TLK1: variants seen among roughly 807,000 people sequenced by gnomAD.
TLK1 encodes the protein serine/threonine-protein kinase tousled-like 1.
TLK1 carries 24 observed loss-of-function variants against 105.3 expected under a neutral mutation model. The observed-to-expected ratio is 0.23, with a 90% CI of 0.17 to 0.32. The LOEUF is 0.32. TLK1 is among the 10% of genes least tolerant of loss of function. The pLI is 1.00. For missense variants in TLK1, 558 were observed against 910.5 expected (o/e 0.61, Z 4.98); for synonymous variants, 321 against 310.4 (o/e 1.03, Z -0.36).
intron 5 of TLK1, among the ~76,000 whole-genome samples, chr2:171,056,810 C>T (rs1320167401): frequency 6.6e-6 from 1 of 151,776 alleles, no homozygotes; most frequent in East Asian, 1.9e-4. Context: ...TTCTGACTAT[C>T]ATCTGTTATT....
chr2:171,203,266 A>T (rs529373291), intron 1 of TLK1, among the ~76,000 whole-genome samples: 3 of 152,248 alleles, frequency 2.0e-5, no homozygotes, highest in African/African-American at 7.2e-5. Context: ...AGTAGTGTTA[A>T]GTATATTCAT....
intron 1 of TLK1, among the ~76,000 whole-genome samples, chr2:171,170,016 G>C (rs185861820): frequency 6.6e-6 from 1 of 152,222 alleles, no homozygotes; most frequent in Admixed American, 6.5e-5. Context: ...AAACTGAAAA[G>C]AAACAGCATG....
At chr2:171,068,665 C>A (rs1283184866) in intron 3 of TLK1, among the ~76,000 whole-genome samples, 1 of 152,108 alleles carries the variant, frequency 6.6e-6, no homozygotes, top group East Asian at 1.9e-4. Flanking sequence ...TATGTATCAT[C>A]AGGATTAGGA....
chr2:171,137,816 T>C (rs1283032570), intron 1 of TLK1, among the ~76,000 whole-genome samples: 2 of 150,110 alleles, frequency 1.3e-5, no homozygotes, highest in Non-Finnish European at 2.9e-5. Context: ...GCCACTGCAC[T>C]ACAGCCTGGG....
upstream of TLK1, among the ~76,000 whole-genome samples, chr2:171,161,310 C>T (rs1236051702): frequency 1.3e-5 from 2 of 152,028 alleles, no homozygotes; most frequent in Non-Finnish European, 1.5e-5. Flanking sequence ...AATGCTGCTG[C>T]TCTCGCTCAG....
chr2:171,108,476 A>C (rs1207127210), intron 2 of TLK1, among the ~76,000 whole-genome samples: 1 of 152,244 alleles, frequency 6.6e-6, no homozygotes, highest in Non-Finnish European at 1.5e-5. Flanking sequence ...ATTAAGCAAT[A>C]GATGGCAGAA....
intron 18 of TLK1, among the ~76,000 whole-genome samples, chr2:171,003,319 G>A (rs945969663): frequency 1.6e-5 from 2 of 122,146 alleles, no homozygotes; most frequent in Non-Finnish European, 3.4e-5. Context: ...CAAGGTTTCT[G>A]TTCCTGCTGA....
chr2:171,158,752 A>C (rs1692333052), intron 1 of TLK1, among the ~76,000 whole-genome samples: 1 of 152,394 alleles, frequency 6.6e-6, no homozygotes, highest in East Asian at 1.9e-4. Flanking sequence ...TCTATGAAAT[A>C]CATTTTAAAC....
chr2:171,203,867 T>C (rs1358160828), intron 1 of TLK1, among the ~76,000 whole-genome samples: 1 of 152,056 alleles, frequency 6.6e-6, no homozygotes, highest in East Asian at 1.9e-4. Context: ...CTGGCCAACA[T>C]GGCGAAACCC....
chr2:171,171,923 T>C (rs891582156), intron 1 of TLK1, among the ~76,000 whole-genome samples: 11 of 152,180 alleles, frequency 7.2e-5, no homozygotes, highest in Non-Finnish European at 1.6e-4. Context: ...CCTAGGTATA[T>C]ACCCAACAAA....
intron 1 of TLK1, among the ~76,000 whole-genome samples, chr2:171,159,309 G>C (rs940562187): frequency 1.3e-5 from 2 of 152,150 alleles, no homozygotes; most frequent in Non-Finnish European, 2.9e-5. Context: ...AGCGTTAAAA[G>C]ACATTCCATG....
intron 4 of TLK1, among the ~76,000 whole-genome samples, chr2:171,059,578 T>TC (rs1258147123): frequency 6.6e-6 from 1 of 152,038 alleles, no homozygotes. Flanking sequence ...GATGGCCTGA[T>TC]TTTTTTTAAG....
intron 1 of TLK1, among the ~76,000 whole-genome samples, chr2:171,118,827 T>A (rs1690539579): frequency 6.6e-6 from 1 of 152,142 alleles, no homozygotes; most frequent in Admixed American, 6.5e-5. Context: ...CTCCTAAAGG[T>A]TAACAACTAC....
At chr2:171,107,776 T>C (rs1689991135) in intron 2 of TLK1, among the ~76,000 whole-genome samples, 1 of 152,046 alleles carries the variant, frequency 6.6e-6, no homozygotes, top group South Asian at 2.1e-4. Flanking sequence ...AAAAAGGAGC[T>C]GGCCAGGCGC....
intron 1 of TLK1, among the ~76,000 whole-genome samples, chr2:171,166,264 C>T (rs1206619089): frequency 2.0e-5 from 3 of 152,232 alleles, no homozygotes; most frequent in Non-Finnish European, 4.4e-5. Flanking sequence ...GAGCAAGGAC[C>T]CTTCTCTGTA....
chr2:171,016,055 G>C (rs1370488491), intron 12 of TLK1, among the ~76,000 whole-genome samples: 5 of 152,028 alleles, frequency 3.3e-5, no homozygotes. Flanking sequence ...TTCAGCCTGG[G>C]CAACAAGAGG....
intron 10 of TLK1, 37 bp downstream of exon 10, chr2:171,049,777 G>A (rs372959311): frequency 7.5e-6 from 12 of 1,608,796 alleles, no homozygotes; most frequent in East Asian, 2.2e-5. Flanking sequence ...AAACCCAAAC[G>A]AATACTAAAA....
chr2:171,064,777 T>C (rs1575566797), intron 3 of TLK1, among the ~76,000 whole-genome samples: 1 of 152,316 alleles, frequency 6.6e-6, no homozygotes, highest in East Asian at 1.9e-4. Context: ...GCTGTGTAAA[T>C]GTTAGATTTG....
At chr2:171,206,033 C>T (rs947585372) in intron 1 of TLK1, among the ~76,000 whole-genome samples, 2 of 152,084 alleles carry the variant, frequency 1.3e-5, no homozygotes, top group Non-Finnish European at 2.9e-5. Flanking sequence ...GTAAATGAAA[C>T]TATGTTATAT....
Sources: gnomAD v4.1 joint callset for allele counts (sites outside exome capture counted in the v4.1 genomes callset) on GRCh38, gnomAD v4.1.1 for gene constraint, MANE v1.5 for transcripts, NCBI Gene and HGNC (gene_info 2026-07-23, HGNC 2026-07-21) for gene names.